Variants in KAZN observed in about 807,000 individuals in gnomAD.
KAZN encodes kazrin, periplakin interacting protein, also known as kazrin.
Under a neutral mutation model 87.4 loss-of-function variants are expected in KAZN, and 40 were observed. That is an observed-to-expected ratio of 0.46 (90% CI 0.36 to 0.60). The LOEUF is 0.60. KAZN is among the 20% of genes least tolerant of loss of function. The probability of loss-of-function intolerance (pLI) is 0.00; values close to 1 mark genes in which losing one functional copy is unlikely to be tolerated. For missense variants in KAZN, 898 were observed against 1,073.9 expected, an observed-to-expected ratio of 0.84 and a Z score of 2.29; for synonymous variants, 466 against 458.3, an observed-to-expected ratio of 1.02 and a Z score of -0.22.
At chr1:14,094,584 A>G (rs1644084620) in intron 1 of KAZN, among the ~76,000 whole-genome samples, 1 of 152,214 alleles carries the variant, frequency 6.6e-6, no homozygotes, top group Admixed American at 6.5e-5. Flanking sequence ...AAAAATTTCC[A>G]AAAAATATAT....
chr1:14,540,099 C>T (rs985932467), intron 2 of KAZN, among the ~76,000 whole-genome samples: 16 of 152,134 alleles, frequency 1.1e-4, no homozygotes, highest in Non-Finnish European at 1.9e-4. Context: ...AACTGACAGC[C>T]CCTGGAAGTG....
At chr1:14,841,978 C>G (rs2100935042) in intron 1 of KAZN, among the ~76,000 whole-genome samples, 1 of 152,326 alleles carries the variant, frequency 6.6e-6, no homozygotes, top group Admixed American at 6.5e-5. Flanking sequence ...CATTGCAGGC[C>G]TAACTCTCTA....
chr1:14,906,279 T>C (rs1656575823), intron 1 of KAZN, among the ~76,000 whole-genome samples: 1 of 152,124 alleles, frequency 6.6e-6, no homozygotes, highest in African/African-American at 2.4e-5. Context: ...CAGCAGACAA[T>C]TTCACAGTCC....
intron 1 of KAZN, among the ~76,000 whole-genome samples, chr1:14,660,729 C>G (rs1639114074): frequency 1.3e-5 from 2 of 152,102 alleles, no homozygotes; most frequent in African/African-American, 4.8e-5. Flanking sequence ...CTTTTATGTA[C>G]TAGCAATCTC....
chr1:14,393,785 T>G (rs1400962638), intron 2 of KAZN, among the ~76,000 whole-genome samples: 1 of 145,444 alleles, frequency 6.9e-6, no homozygotes, highest in Non-Finnish European at 1.5e-5. Flanking sequence ...ATGCAGAGGT[T>G]GCAGTAAGCC....
At chr1:14,671,910 A>G (rs1323321397) in intron 1 of KAZN, among the ~76,000 whole-genome samples, 1 of 152,032 alleles carries the variant, frequency 6.6e-6, no homozygotes. Flanking sequence ...AGAACATTCC[A>G]TTTTCCCATT....
chr1:14,957,110 A>T (rs116408405), intron 1 of KAZN, among the ~76,000 whole-genome samples: 4,776 of 152,158 alleles, frequency 0.031, 106 homozygotes, highest in Non-Finnish European at 0.046. Flanking sequence ...TGAGGCCAGG[A>T]GTCTTTCCTT....
chr1:14,588,484 T>C (rs1396078918), intron 2 of KAZN, among the ~76,000 whole-genome samples: 1 of 152,224 alleles, frequency 6.6e-6, no homozygotes, highest in African/African-American at 2.4e-5. Context: ...CACTGGTCAG[T>C]GATATGTATG....
chr1:14,514,623 A>AT (rs1671204423), intron 2 of KAZN, among the ~76,000 whole-genome samples: 1 of 53,724 alleles, frequency 1.9e-5, no homozygotes, highest in African/African-American at 5.2e-5. Flanking sequence ...ATATATATAT[A>AT]TATATATATA....
At chr1:15,107,293 G>A (rs1367813060) in intron 13 of KAZN, among the ~76,000 whole-genome samples, 1 of 152,168 alleles carries the variant, frequency 6.6e-6, no homozygotes, top group Non-Finnish European at 1.5e-5. Flanking sequence ...CCAGCCCAGG[G>A]CCTGCTTCCA....
intron 2 of KAZN, among the ~76,000 whole-genome samples, chr1:14,513,544 G>A (rs1342515984): frequency 6.6e-6 from 1 of 152,074 alleles, no homozygotes; most frequent in Non-Finnish European, 1.5e-5. Flanking sequence ...GTCTTTCTAA[G>A]GTACAGCAGA....
intron 2 of KAZN, among the ~76,000 whole-genome samples, chr1:14,321,835 C>G (rs191582911): frequency 2.0e-3 from 299 of 152,232 alleles, no homozygotes; most frequent in African/African-American, 7.0e-3. Flanking sequence ...GAATTCAAAA[C>G]TCAGAAGGTA....
chr1:14,161,847 C>G (rs1212489183), intron 1 of KAZN, among the ~76,000 whole-genome samples: 2 of 152,176 alleles, frequency 1.3e-5, no homozygotes, highest in East Asian at 3.9e-4. Flanking sequence ...AAATCAGATC[C>G]AGGTGTAATT....
chr1:14,051,049 AACTCAACTCTGAGCACAAC>A (rs1642307007), intron 1 of KAZN, among the ~76,000 whole-genome samples: 1 of 152,046 alleles, frequency 6.6e-6, no homozygotes, highest in African/African-American at 2.4e-5. Context: ...AGCAAAACTG[AACTCAACTCTGAGCACAAC>A]AAAGACACTT....
intron 1 of KAZN, among the ~76,000 whole-genome samples, chr1:14,103,838 G>A (rs553889841): frequency 2.0e-5 from 3 of 152,220 alleles, no homozygotes; most frequent in South Asian, 2.1e-4. Flanking sequence ...CACAGGTTCC[G>A]GGGATTAGTA....
chr1:14,028,426 C>G lies in KAZN; in HGVS notation c.91+134670C>G, dbSNP rs112223874. 5.0e-3 allele frequency among the ~76,000 whole-genome samples: 759 copies of G among 152,250 alleles called. 5 individuals are homozygous for G. Among genetic ancestry groups the G allele is most frequent in the African/African-American group, 0.017 (726 of 41,556 alleles). ...TTTGTCTACTATCTAATCACCTCCT[C>G]ATGCATAACCAGCCAGCCAGCCGGA... On this transcript the variant is annotated intron_variant, in intron 1 of 16. Coordinates refer to the KAZN transcript ENST00000636203.
chr1:14,393,246 T>C (rs1662608000), intron 2 of KAZN, among the ~76,000 whole-genome samples: 1 of 152,182 alleles, frequency 6.6e-6, no homozygotes, highest in Admixed American at 6.5e-5. Flanking sequence ...AACCATCTCG[T>C]GTATCACCTC....
In KAZN at chr1:14,371,191, A is replaced by C. The variant is rs113478250; in HGVS notation, c.249+190599A>C. ...AGTTAGTTGGTCTGCGGTAGGGCCA[A>C]GCAAGCTACATTTGGGACAAGTCCT... On this transcript the variant is annotated intron_variant, in intron 2 of 16. Coordinates refer to the KAZN transcript ENST00000636203. Among the ~76,000 whole-genome samples, 433 of 152,302 alleles carry C rather than the reference A, an allele frequency of 2.8e-3. 4 individuals carry two copies. The highest frequency in any genetic ancestry group is 1.0e-2 in the African/African-American group (415 of 41,558).
intron 1 of KAZN, among the ~76,000 whole-genome samples, chr1:14,797,860 G>C (rs926682777): frequency 1.3e-5 from 2 of 152,178 alleles, no homozygotes; most frequent in African/African-American, 4.8e-5. Flanking sequence ...GGAGTGCTTA[G>C]TGCAACTCCT....
Sources: gnomAD v4.1 joint callset for allele counts (sites outside exome capture counted in the v4.1 genomes callset) on GRCh38, gnomAD v4.1.1 for gene constraint, MANE v1.5 for transcripts, NCBI Gene and HGNC (gene_info 2026-07-23, HGNC 2026-07-21) for gene names.